Variants in LEO1 observed in about 807,000 individuals in gnomAD.
The protein encoded by LEO1 is RNA polymerase-associated protein LEO1.
A neutral mutation model predicts 80.4 loss-of-function variants in LEO1; 34 were observed. The observed-to-expected ratio is 0.42, with a 90% CI of 0.32 to 0.56. The LOEUF is 0.56. Ranked by LOEUF, LEO1 falls within the 20% of genes least tolerant of loss-of-function variation. The probability of loss-of-function intolerance (pLI) is 0.10; values close to 1 mark genes in which losing one functional copy is unlikely to be tolerated. For missense variants in LEO1, 631 were observed against 814.2 expected, an observed-to-expected ratio of 0.77 and a Z score of 2.74; for synonymous variants, 262 against 274.9, an observed-to-expected ratio of 0.95 and a Z score of 0.46.
At chr15:51,950,251 G>C (rs1373807904) in intron 9 of LEO1, among the ~76,000 whole-genome samples, 1 of 152,164 alleles carries the variant, frequency 6.6e-6, no homozygotes, top group Non-Finnish European at 1.5e-5. Flanking sequence ...GTGTGTCCTC[G>C]GGAGCTGTGC....
intron 11 of LEO1, among the ~76,000 whole-genome samples, chr15:51,944,435 T>C (rs1247441464): frequency 6.6e-6 from 1 of 152,188 alleles, no homozygotes; most frequent in Non-Finnish European, 1.5e-5. Context: ...GTAAAATATA[T>C]TTCAGATAAA....
At chr15:51,943,380 AAAAT>A (rs909552568) in intron 11 of LEO1, among the ~76,000 whole-genome samples, 22 of 151,172 alleles carry the variant, frequency 1.5e-4, no homozygotes, top group South Asian at 6.3e-4. Context: ...ATCCATCTCA[AAAAT>A]AAATAAATAA....
At chr15:51,956,020 ATTGTTT>A (rs1366379210) in intron 6 of LEO1, among the ~76,000 whole-genome samples, 4 of 152,196 alleles carry the variant, frequency 2.6e-5, no homozygotes, top group Non-Finnish European at 4.4e-5. Flanking sequence ...AGTTCATTAT[ATTGTTT>A]TTAATACATT....
At chr15:51,938,749 CCT>C (rs1450300006) in intron 11 of LEO1, among the ~76,000 whole-genome samples, 1 of 152,162 alleles carries the variant, frequency 6.6e-6, no homozygotes, top group African/African-American at 2.4e-5. Flanking sequence ...AAACAAGTTT[CCT>C]CTGTTTAAAA....
At chr15:51,940,216 C>G (rs1458433732) in intron 11 of LEO1, among the ~76,000 whole-genome samples, 1 of 139,436 alleles carries the variant, frequency 7.2e-6, no homozygotes, top group African/African-American at 2.7e-5. Flanking sequence ...AATCACACCA[C>G]TGCTCTCCAG....
intron 7 of LEO1, among the ~76,000 whole-genome samples, chr15:51,953,678 C>G (rs770653817): frequency 3.3e-5 from 5 of 151,454 alleles, no homozygotes; most frequent in Admixed American, 6.6e-5. Flanking sequence ...TCTTTTTACA[C>G]AGAATTTGGA....
chr15:51,954,930 G>GA, intron 6 of LEO1: 1 of 160,928 alleles, frequency 6.2e-6, no homozygotes, highest in Non-Finnish European at 1.3e-5. Flanking sequence ...ATGTGAGGCA[G>GA]AAATTTTTTT....
In LEO1 at chr15:51,965,980, G is replaced by A. The variant is rs1438626861; in HGVS notation, c.583C>T (p.Gln195Ter). Residue 195 changes from glutamine to a stop codon, truncating the protein, a stop_gained, in exon 2 of 12, where the codon CAG becomes TAG. Coordinates refer to ENST00000299601, the MANE Select transcript of LEO1 (RefSeq NM_138792.4). LOFTEE classifies it high-confidence loss of function. ...MQNTDDEERP[Q>*]LSDDERQQLS... ...TGTTGTCTCTCATCATCGGAAAGCT[G>A]AGGCCTCTCCTCATCATCTGTGTTC... The A allele has an allele frequency of 6.2e-7, 1 of 1,613,894 alleles. No individual in the cohort carries two copies. The highest frequency in any genetic ancestry group is 1.3e-5 in the African/African-American group (1 of 74,882).
intron 3 of LEO1, among the ~76,000 whole-genome samples, chr15:51,961,503 G>C (rs868473953): frequency 1.3e-5 from 2 of 151,682 alleles, no homozygotes; most frequent in African/African-American, 4.8e-5. Context: ...AGCGATTCTC[G>C]TGCCTCAGCC....
intron 11 of LEO1, 85 bp from the exon 12 acceptor site, chr15:51,938,345 G>A: frequency 1.3e-6 from 1 of 742,180 alleles, no homozygotes; most frequent in South Asian, 1.7e-5. Flanking sequence ...TGAGCTGAAT[G>A]ACCCTCTGAC....
intron 2 of LEO1, 81 bp downstream of exon 2, chr15:51,965,668 G>A: frequency 6.7e-7 from 1 of 1,503,576 alleles, no homozygotes; most frequent in South Asian, 1.4e-5. Context: ...GGGTAATAAA[G>A]ATGGGAATAA....
chr15:51,956,376 C>T (rs367816290), intron 6 of LEO1, among the ~76,000 whole-genome samples: 18 of 146,682 alleles, frequency 1.2e-4, no homozygotes, highest in African/African-American at 2.8e-4. Context: ...GCTGAGATTG[C>T]GCCACTGCAT....
intron 8 of LEO1, 25 bp from the exon 9 acceptor site, chr15:51,952,004 T>C: frequency 2.5e-6 from 4 of 1,595,738 alleles, no homozygotes; most frequent in Non-Finnish European, 3.4e-6. Context: ...ACGAAGAGCA[T>C]ATCACTGTTT....
chr15:51,961,067 T>A (rs1467005125), intron 3 of LEO1, among the ~76,000 whole-genome samples: 1 of 152,154 alleles, frequency 6.6e-6, no homozygotes, highest in African/African-American at 2.4e-5. Flanking sequence ...CAGACACCCA[T>A]TTTCCATAAG....
intron 7 of LEO1, among the ~76,000 whole-genome samples, chr15:51,953,473 C>G (rs1408871827): frequency 6.6e-6 from 1 of 151,970 alleles, no homozygotes; most frequent in Non-Finnish European, 1.5e-5. Flanking sequence ...ATACAAAAAT[C>G]AGCTAGGCAT....
chr15:51,960,060 G>C lies in LEO1; in HGVS notation c.1015-16C>G. On this transcript the variant is annotated splice_polypyrimidine_tract_variant and intron_variant, in intron 4 of 11. Coordinates refer to ENST00000299601, the MANE Select transcript of LEO1 (RefSeq NM_138792.4). The stretch of plus-strand genomic sequence containing the variant: ...CATTTTCATCCTAGTGAAAGAATCG[G>C]AAGTTTGGAGCTTGACAGGACCTTA... 3 of 1,606,896 alleles carry C rather than the reference G, an allele frequency of 1.9e-6. No homozygotes were observed. The highest frequency in any genetic ancestry group is 1.7e-4 in the Middle Eastern group (1 of 6,044).
At position 51,971,749 on chromosome 15, in the gene LEO1, C is replaced by T. The variant is rs755876251; in HGVS notation, c.-4G>A. The T allele has an allele frequency of 1.9e-6, 3 of 1,614,138 alleles. No individual in the cohort carries two copies. Among genetic ancestry groups the T allele is most frequent in the Non-Finnish European group, 2.5e-6 (3 of 1,179,992 alleles). On this transcript the variant is annotated 5_prime_UTR_variant, in exon 1 of 12. Coordinates refer to ENST00000299601, the MANE Select transcript of LEO1 (RefSeq NM_138792.4). ...AGAGATCCTCCATATCCGCCATTAT[C>T]GCTCACGTCCGCTGCTGCCTCGGTT...
chr15:51,949,222 T>C (rs1346582989), intron 10 of LEO1, among the ~76,000 whole-genome samples: 1 of 152,180 alleles, frequency 6.6e-6, no homozygotes, highest in Non-Finnish European at 1.5e-5. Context: ...TCTGAATAGT[T>C]TAATTTCTTG....
At chr15:51,958,414 C>T (rs898413940) in intron 6 of LEO1, among the ~76,000 whole-genome samples, 1 of 152,208 alleles carries the variant, frequency 6.6e-6, no homozygotes, top group African/African-American at 2.4e-5. Flanking sequence ...GGGTTTGTGC[C>T]GCTGTACTCC....
Sources: allele counts gnomAD v4.1 joint callset (sites outside exome capture counted in the v4.1 genomes callset), GRCh38; gene constraint gnomAD v4.1.1; transcripts MANE v1.5; gene names NCBI Gene and HGNC (gene_info 2026-07-23, HGNC 2026-07-21).